Variants in ADGRG6 observed in about 807,000 individuals in gnomAD.
ADGRG6 encodes the protein G-protein coupled receptor 126.
Under a neutral mutation model 142.4 loss-of-function variants are expected in ADGRG6, and 84 were observed. The observed-to-expected ratio is 0.59, with a 90% CI of 0.49 to 0.71. The LOEUF is 0.71. Ranked by LOEUF, ADGRG6 falls within the 30% of genes least tolerant of loss-of-function variation. The pLI, the probability that ADGRG6 is intolerant of heterozygous loss-of-function variation, is 0.00. For synonymous variants in ADGRG6, 521 were observed against 520.5 expected (o/e 1.00, Z -0.01); for missense variants, 1,367 against 1,466.6 (o/e 0.93, Z 1.11).
chr6:142,371,727 G>T (rs1189401508), intron 4 of ADGRG6, among the ~76,000 whole-genome samples: 1 of 151,692 alleles, frequency 6.6e-6, no homozygotes, highest in South Asian at 2.1e-4. Flanking sequence ...CCTCGTGATC[G>T]GCCCACCTTG....
chr6:142,423,522 G>A (rs1325967772), intron 22 of ADGRG6, among the ~76,000 whole-genome samples: 1 of 150,382 alleles, frequency 6.6e-6, no homozygotes, highest in Non-Finnish European at 1.5e-5. Flanking sequence ...CTGTTCCATT[G>A]ATCTAGATCT....
At chr6:142,403,485 C>T (rs190354537) in intron 13 of ADGRG6, among the ~76,000 whole-genome samples, 66 of 151,940 alleles carry the variant, frequency 4.3e-4, no homozygotes, top group African/African-American at 1.5e-3. Flanking sequence ...CTTGATAAGC[C>T]GTAAGGTAGG....
At chr6:142,314,752 T>C (rs916751928) in intron 2 of ADGRG6, among the ~76,000 whole-genome samples, 1 of 152,186 alleles carries the variant, frequency 6.6e-6, no homozygotes, top group Admixed American at 6.5e-5. Context: ...CTGGAAGTGA[T>C]AACAGACTTC....
chr6:142,339,490 T>C (rs932489279), intron 2 of ADGRG6, among the ~76,000 whole-genome samples: 1 of 152,210 alleles, frequency 6.6e-6, no homozygotes, highest in African/African-American at 2.4e-5. Flanking sequence ...GAATGAGTAC[T>C]GATGCAAACT....
intron 2 of ADGRG6, among the ~76,000 whole-genome samples, chr6:142,326,572 T>C (rs893765305): frequency 6.6e-6 from 1 of 151,876 alleles, no homozygotes; most frequent in Non-Finnish European, 1.5e-5. Flanking sequence ...TCACACTGAA[T>C]ACCAACTCCT....
chr6:142,317,808 A>T (rs1778183591), intron 2 of ADGRG6, among the ~76,000 whole-genome samples: 1 of 92,150 alleles, frequency 1.1e-5, no homozygotes, highest in South Asian at 2.6e-4. Context: ...TATTATATAT[A>T]TTTATATATA....
At chr6:142,365,704 A>C (rs1319453578) in intron 2 of ADGRG6, among the ~76,000 whole-genome samples, 1 of 152,100 alleles carries the variant, frequency 6.6e-6, no homozygotes, top group African/African-American at 2.4e-5. Flanking sequence ...GAGCAGGAGG[A>C]GGGCAAGTTA....
At chr6:142,317,526 C>T (rs1778144028) in intron 2 of ADGRG6, among the ~76,000 whole-genome samples, 1 of 150,036 alleles carries the variant, frequency 6.7e-6, no homozygotes, top group South Asian at 2.1e-4. Flanking sequence ...TTTGTGAGAG[C>T]ATTATAGTAC....
intron 2 of ADGRG6, among the ~76,000 whole-genome samples, chr6:142,310,186 A>G (rs543714997): frequency 5.3e-5 from 8 of 151,966 alleles, no homozygotes; most frequent in Admixed American, 4.6e-4. Context: ...TATTTTTTCT[A>G]GTTACATTTT....
intron 2 of ADGRG6, among the ~76,000 whole-genome samples, chr6:142,340,199 C>T (rs963225136): frequency 6.6e-6 from 1 of 151,966 alleles, no homozygotes; most frequent in Non-Finnish European, 1.5e-5. Context: ...GTTGCTATGC[C>T]GACTTACCAA....
intron 16 of ADGRG6, among the ~76,000 whole-genome samples, chr6:142,409,352 T>G (rs1775969155): frequency 6.6e-6 from 1 of 152,198 alleles, no homozygotes; most frequent in Non-Finnish European, 1.5e-5. Context: ...GACTTCCTTT[T>G]TAAGGCTGAA....
intron 2 of ADGRG6, among the ~76,000 whole-genome samples, chr6:142,342,919 C>G (rs1779724416): frequency 1.3e-5 from 2 of 151,616 alleles, no homozygotes; most frequent in Admixed American, 6.6e-5. Context: ...CTCTGATTTA[C>G]TCATGTTATT....
chr6:142,428,577 G>A (rs945059136), intron 22 of ADGRG6, among the ~76,000 whole-genome samples: 2 of 152,112 alleles, frequency 1.3e-5, no homozygotes, highest in Admixed American at 6.6e-5. Context: ...ATATGGCTGG[G>A]GAGGCCTCGG....
intron 2 of ADGRG6, among the ~76,000 whole-genome samples, chr6:142,310,991 A>G (rs1777741992): frequency 6.6e-6 from 1 of 151,914 alleles, no homozygotes; most frequent in Admixed American, 6.6e-5. Flanking sequence ...TATATTTTTA[A>G]GGCTTCTTGA....
chr6:142,392,900 T>G, intron 7 of ADGRG6, 48 bp from the exon 8 acceptor site: 1 of 1,288,174 alleles, frequency 7.8e-7, no homozygotes, highest in Non-Finnish European at 1.1e-6. Context: ...AATTAGATAT[T>G]TTTTAAAGGT....
chr6:142,323,571 A>G (rs990184014), intron 2 of ADGRG6, among the ~76,000 whole-genome samples: 9 of 152,128 alleles, frequency 5.9e-5, no homozygotes, highest in Non-Finnish European at 8.8e-5. Context: ...TTGCTTAACG[A>G]CAAAGGTATG....
In ADGRG6 at chr6:142,415,048, T is replaced by G. The variant is rs1776287695; in HGVS notation, c.2621T>G (p.Ile874Arg). ...LTFISYIGCGISAIFSAATLL... is the reference protein window; with the variant it reads ...LTFISYIGCGRSAIFSAATLL... Reference sequence around the variant, plus strand: ...TTCATCAGCTATATTGGGTGTGGAATATCTGCTATTTTTTCAGCAGCAACT... The same window carrying G: ...TTCATCAGCTATATTGGGTGTGGAAGATCTGCTATTTTTTCAGCAGCAACT... Residue 874 changes from isoleucine (I) to arginine (R), a missense_variant, in exon 19 of 25, where the codon ATA (isoleucine) becomes AGA (arginine). Around this residue, in one of 3 missense-constraint regions of ADGRG6, gnomAD observed 286 missense variants for 371.4 expected, o/e 0.77. Transcript: ENST00000367609. The G allele has an allele frequency of 6.2e-7, 1 of 1,612,056 alleles. No individual in the cohort carries two copies. Among genetic ancestry groups the G allele is most frequent in the African/African-American group, 1.3e-5 (1 of 74,840 alleles).
At chr6:142,340,111 A>T (rs74954184) in intron 2 of ADGRG6, among the ~76,000 whole-genome samples, 1 of 152,124 alleles carries the variant, frequency 6.6e-6, no homozygotes, top group Non-Finnish European at 1.5e-5. Flanking sequence ...GCACAGTAGA[A>T]ACCAGGCTCT....
intron 2 of ADGRG6, among the ~76,000 whole-genome samples, chr6:142,320,762 T>C (rs1778474039): frequency 6.6e-6 from 1 of 152,090 alleles, no homozygotes; most frequent in Admixed American, 6.6e-5. Flanking sequence ...TCGGTACTTG[T>C]ATATTCATTG....
Sources: gnomAD v4.1 joint callset for allele counts (sites outside exome capture counted in the v4.1 genomes callset) on GRCh38, gnomAD v4.1.1 for gene constraint, gnomAD v4.1.1 regional missense constraint, MANE v1.5 for transcripts, NCBI Gene and HGNC (gene_info 2026-07-23, HGNC 2026-07-21) for gene names.